The following ATRNL1 variants were observed in gnomAD, a reference collection of about 807,000 sequenced individuals.
ATRNL1 encodes attractin like 1.
ATRNL1 carries 95 observed loss-of-function variants against 182.7 expected under a neutral mutation model. The observed-to-expected ratio is 0.52, with a 90% CI of 0.44 to 0.62. The LOEUF (loss-of-function observed/expected upper bound fraction) is 0.62. ATRNL1 is among the 20% of genes least tolerant of loss of function. The probability of loss-of-function intolerance (pLI) is 0.00; values close to 1 mark genes in which losing one functional copy is unlikely to be tolerated. For missense variants in ATRNL1, 1,471 were observed against 1,679.5 expected, an observed-to-expected ratio of 0.88 and a Z score of 2.17; for synonymous variants, 576 against 568.3, an observed-to-expected ratio of 1.01 and a Z score of -0.19.
At chr10:115,822,939 G>A (rs1328004550) in intron 27 of ATRNL1, among the ~76,000 whole-genome samples, 4 of 152,130 alleles carry the variant, frequency 2.6e-5, no homozygotes, top group African/African-American at 9.7e-5. Context: ...TATGAGGCCA[G>A]CATTATCCTG....
chr10:115,637,518 C>T (rs990652273), intron 26 of ATRNL1, among the ~76,000 whole-genome samples: 1 of 150,136 alleles, frequency 6.7e-6, no homozygotes, highest in African/African-American at 2.5e-5. Context: ...TTTTAACCTG[C>T]GTTATTATGG....
intron 28 of ATRNL1, among the ~76,000 whole-genome samples, chr10:115,892,762 T>C (rs2134467072): frequency 6.6e-6 from 1 of 152,218 alleles, no homozygotes; most frequent in African/African-American, 2.4e-5. Context: ...TTCAGGCAGC[T>C]GGGAAAAAAG....
intron 27 of ATRNL1, among the ~76,000 whole-genome samples, chr10:115,840,068 C>T (rs1391653251): frequency 6.6e-6 from 1 of 152,118 alleles, no homozygotes; most frequent in Non-Finnish European, 1.5e-5. Context: ...TTAAATGCCT[C>T]AGTCTTAGGT....
chr10:115,713,443 CTG>C (rs140348673), intron 26 of ATRNL1, among the ~76,000 whole-genome samples: 8 of 117,908 alleles, frequency 6.8e-5, no homozygotes, highest in African/African-American at 1.8e-4. Flanking sequence ...GGGAAAGTGG[CTG>C]TGTGTGTGTG....
chr10:115,816,314 G>A (rs1255694918), intron 27 of ATRNL1, among the ~76,000 whole-genome samples: 4 of 152,110 alleles, frequency 2.6e-5, no homozygotes, highest in African/African-American at 9.7e-5. Context: ...CGGGAATGTT[G>A]CTAAACAATG....
chr10:115,867,791 G>C (rs987154462), intron 28 of ATRNL1, among the ~76,000 whole-genome samples: 4 of 150,072 alleles, frequency 2.7e-5, no homozygotes, highest in African/African-American at 9.8e-5. Context: ...AGGCTGGAGT[G>C]CAGTGGCACG....
At chr10:115,435,029 CTT>C (rs34902658) in intron 21 of ATRNL1, among the ~76,000 whole-genome samples, 9 of 130,938 alleles carry the variant, frequency 6.9e-5, no homozygotes, top group East Asian at 4.4e-4. Flanking sequence ...AAACCTGGGA[CTT>C]TTTTTTTTTT....
chr10:115,516,583 A>G (rs1850650877), intron 24 of ATRNL1, among the ~76,000 whole-genome samples: 1 of 151,904 alleles, frequency 6.6e-6, no homozygotes, highest in South Asian at 2.1e-4. Context: ...AAAACTTTCC[A>G]TGGGTTCCCA....
At chr10:115,281,118 A>C (rs1379631488) in intron 13 of ATRNL1, among the ~76,000 whole-genome samples, 1 of 152,226 alleles carries the variant, frequency 6.6e-6, no homozygotes, top group Non-Finnish European at 1.5e-5. Flanking sequence ...GTTAGGTTGC[A>C]GTTTGTTTAA....
At chr10:115,403,276 T>C (rs781973483) in intron 20 of ATRNL1, among the ~76,000 whole-genome samples, 237 of 140,274 alleles carry the variant, frequency 1.7e-3, no homozygotes, top group Non-Finnish European at 3.2e-3. Flanking sequence ...TTTTTTTTTT[T>C]AGTCTGCTAT....
At chr10:115,173,345 G>C (rs189066104) in intron 8 of ATRNL1, among the ~76,000 whole-genome samples, 5 of 151,766 alleles carry the variant, frequency 3.3e-5, no homozygotes, top group Admixed American at 1.3e-4. Flanking sequence ...AGGAAATGTT[G>C]GTCTTATTTC....
chr10:115,714,124 C>G (rs548010389), intron 26 of ATRNL1, among the ~76,000 whole-genome samples: 7 of 151,730 alleles, frequency 4.6e-5, no homozygotes, highest in African/African-American at 1.7e-4. Context: ...TCTGGATTGC[C>G]CCATCACTTG....
intron 19 of ATRNL1, among the ~76,000 whole-genome samples, chr10:115,356,229 TTAAAA>T (rs1470473065): frequency 2.0e-5 from 3 of 152,116 alleles, no homozygotes; most frequent in Non-Finnish European, 4.4e-5. Context: ...TGAGCATTTC[TTAAAA>T]TAAGTGTAGG....
At chr10:115,632,201 A>C (rs1348765249) in intron 26 of ATRNL1, among the ~76,000 whole-genome samples, 1 of 152,174 alleles carries the variant, frequency 6.6e-6, no homozygotes, top group Non-Finnish European at 1.5e-5. Flanking sequence ...GGTGGAAGCA[A>C]GGAGACCATA....
At chr10:115,330,091 T>C (rs1855130832) in intron 18 of ATRNL1, among the ~76,000 whole-genome samples, 1 of 152,156 alleles carries the variant, frequency 6.6e-6, no homozygotes, top group African/African-American at 2.4e-5. Flanking sequence ...AAACATCTTA[T>C]TATTTTAAAA....
chr10:115,707,941 C>T (rs1946950242), intron 26 of ATRNL1, among the ~76,000 whole-genome samples: 1 of 151,710 alleles, frequency 6.6e-6, no homozygotes, highest in Admixed American at 6.6e-5. Context: ...AAACCAGTGG[C>T]ATTCTCTTAA....
At chr10:115,749,279 A>G (rs1948380172) in intron 27 of ATRNL1, among the ~76,000 whole-genome samples, 1 of 151,854 alleles carries the variant, frequency 6.6e-6, no homozygotes, top group Non-Finnish European at 1.5e-5. Context: ...ATCATTAGAA[A>G]CAGTAAACCA....
chr10:115,602,041 T>C (rs1856625052), intron 26 of ATRNL1, among the ~76,000 whole-genome samples: 1 of 152,012 alleles, frequency 6.6e-6, no homozygotes, highest in Non-Finnish European at 1.5e-5. Flanking sequence ...GAGTTTACAA[T>C]ATGCATTTTG....
At chr10:115,682,672 GAT>G (rs1946087702) in intron 26 of ATRNL1, among the ~76,000 whole-genome samples, 1 of 148,866 alleles carries the variant, frequency 6.7e-6, no homozygotes, top group African/African-American at 2.5e-5. Flanking sequence ...TAATACATAT[GAT>G]GATGATGATG....
Sources: allele counts gnomAD v4.1 joint callset (sites outside exome capture counted in the v4.1 genomes callset), GRCh38; gene constraint gnomAD v4.1.1; transcripts MANE v1.5; gene names NCBI Gene and HGNC (gene_info 2026-07-23, HGNC 2026-07-21).